The following SNX6 variants were observed in gnomAD, a reference collection of about 807,000 sequenced individuals.
SNX6 encodes sorting nexin 6.
Under a neutral mutation model 63.0 loss-of-function variants are expected in SNX6, and 34 were observed. That is an observed-to-expected ratio of 0.54 (90% confidence interval 0.41 to 0.72). SNX6 has a LOEUF of 0.72. Among genes scored for constraint, SNX6 ranks in the 30% least tolerant of loss-of-function variants. The pLI, the probability that SNX6 is intolerant of heterozygous loss-of-function variation, is 0.00. For missense variants in SNX6, 398 were observed against 471.4 expected, an observed-to-expected ratio of 0.84 and a Z score of 1.44; for synonymous variants, 170 against 164.2, an observed-to-expected ratio of 1.04 and a Z score of -0.27.
At chr14:34,567,649 T>C (rs1053640744) in intron 13 of SNX6, 37 bp downstream of exon 13, 9 of 1,478,414 alleles carry the variant, frequency 6.1e-6, no homozygotes, top group Non-Finnish European at 6.6e-6. Flanking sequence ...CTATATTACA[T>C]GTAACTTAAA....
chr14:34,613,882 G>A (rs988985763), intron 2 of SNX6, among the ~76,000 whole-genome samples: 10 of 152,052 alleles, frequency 6.6e-5, no homozygotes, highest in African/African-American at 2.4e-4. Context: ...CCCGAGGTGG[G>A]TGGATCACGA....
chr14:34,616,372 A>AT (rs1397882069), intron 2 of SNX6, among the ~76,000 whole-genome samples: 9 of 152,052 alleles, frequency 5.9e-5, no homozygotes, highest in South Asian at 2.1e-4. Context: ...TATATTGTAG[A>AT]TTTTTTAATT....
chr14:34,605,062 T>C (rs1882961643), intron 5 of SNX6, among the ~76,000 whole-genome samples: 2 of 152,184 alleles, frequency 1.3e-5, no homozygotes, highest in Admixed American at 1.3e-4. Flanking sequence ...AGAAATGTAT[T>C]AGTTTCTTGA....
intron 2 of SNX6, among the ~76,000 whole-genome samples, chr14:34,612,333 T>G (rs975033738): frequency 1.4e-4 from 22 of 152,170 alleles, no homozygotes; most frequent in African/African-American, 5.3e-4. Context: ...AAATGTTACC[T>G]TATATGTCAA....
chr14:34,585,353 C>T (rs184006331), intron 9 of SNX6, among the ~76,000 whole-genome samples: 187 of 152,008 alleles, frequency 1.2e-3, no homozygotes, highest in African/African-American at 4.3e-3. Context: ...AACCCCATCT[C>T]TACTAAAAAT....
At chr14:34,606,864 T>C (rs1437030430) in intron 4 of SNX6, among the ~76,000 whole-genome samples, 2 of 152,104 alleles carry the variant, frequency 1.3e-5, no homozygotes, top group Non-Finnish European at 2.9e-5. Context: ...CTGCAACCTC[T>C]GCCTCCCAGG....
intron 8 of SNX6, among the ~76,000 whole-genome samples, chr14:34,591,362 C>A (rs935519013): frequency 6.6e-6 from 1 of 152,140 alleles, no homozygotes; most frequent in African/African-American, 2.4e-5. Flanking sequence ...TAAGTGGTGA[C>A]ACAATTCAAT....
At chr14:34,601,031 GT>G (rs1566482311) in intron 6 of SNX6, among the ~76,000 whole-genome samples, 2 of 151,710 alleles carry the variant, frequency 1.3e-5, no homozygotes, top group African/African-American at 4.8e-5. Flanking sequence ...AAAAAAGAGA[GT>G]TTTTAGGCAG....
intron 2 of SNX6, among the ~76,000 whole-genome samples, chr14:34,614,448 A>C (rs1883347531): frequency 1.3e-5 from 2 of 151,676 alleles, no homozygotes; most frequent in South Asian, 2.1e-4. Flanking sequence ...AAAAAAAAAA[A>C]CCAAAAAACT....
Position 34,568,809 on chromosome 14 carries a change from G to A in SNX6, c.922-796C>T, listed in dbSNP as rs1318922613. On this transcript the variant is annotated intron_variant, in intron 11 of 13. Transcript: ENST00000362031. ...TTTCCACCATTTTTAGCCCCTCCAGGGCTTGGAGGACCCGGTGGGCCACAT... is the reference window on the plus strand; with the variant it reads ...TTTCCACCATTTTTAGCCCCTCCAGAGCTTGGAGGACCCGGTGGGCCACAT... 5 of 1,017,016 alleles carry A rather than the reference G, an allele frequency of 4.9e-6. No individual in the cohort carries two copies. In the African/African-American group the frequency reaches 6.4e-5, roughly 13 times the overall value. The allele number at this position is 1,017,016 out of a possible 1,614,324, so 63.0% of individuals were successfully genotyped here.
At chr14:34,568,886 C>T in intron 11 of SNX6, 1 of 1,178,804 alleles carries the variant, frequency 8.5e-7, no homozygotes, top group Non-Finnish European at 1.3e-6. Context: ...CTCTGACATC[C>T]CCCATAGATC....
Position 34,609,410 on chromosome 14 carries a change from G to A in SNX6, c.159+228C>T, listed in dbSNP as rs148814998. On this transcript the variant is annotated intron_variant, in intron 3 of 13. Transcript: ENST00000362031. ...GCAGGAGAATGGCGTGAACCCAGGA[G>A]GAGGAGCTTGCAGTGAGCCGAGATC... Among the ~76,000 whole-genome samples, 1,412 of 146,826 alleles carry A rather than the reference G, an allele frequency of 9.6e-3. 23 individuals carry two copies. Among genetic ancestry groups the A allele is most frequent in the African/African-American group, 0.033 (1,340 of 40,632 alleles).
intron 11 of SNX6, among the ~76,000 whole-genome samples, chr14:34,574,590 C>T (rs10129588): frequency 0.41 from 51,693 of 126,782 alleles, 9,792 homozygotes; most frequent in Middle Eastern, 0.52. Flanking sequence ...GAAGAGGTTA[C>T]AGTTGGGTGA....
At chr14:34,611,493 AG>A (rs1341236820) in intron 2 of SNX6, among the ~76,000 whole-genome samples, 1 of 150,590 alleles carries the variant, frequency 6.6e-6, no homozygotes, top group Non-Finnish European at 1.5e-5. Flanking sequence ...AAAAAAAAAA[AG>A]GGGGGGAGGC....
Position 34,567,868 on chromosome 14 carries a change from T to C in SNX6, c.1067A>G (p.Glu356Gly). 1 of 1,614,098 alleles carries C rather than the reference T, an allele frequency of 6.2e-7. No homozygotes were observed. The highest frequency in any genetic ancestry group is 8.5e-7 in the Non-Finnish European group (1 of 1,180,018). Residue 356 changes from glutamate to glycine, a missense_variant, in exon 12 of 14, where the codon GAG (glutamate) becomes GGG (glycine). Transcript: ENST00000362031. ...CGTAACAGTACCTTGTTTTGCAGAC[T>C]CAGATATTTTTTCAAATTTCTGACA... ...LCCQKFEKIS[E>G]SAKQELIDFK...
intron 2 of SNX6, among the ~76,000 whole-genome samples, chr14:34,616,664 T>C (rs1019398118): frequency 1.3e-5 from 2 of 152,184 alleles, no homozygotes; most frequent in African/African-American, 2.4e-5. Context: ...TAGTGTTCAT[T>C]ACATAAAATG....
intron 6 of SNX6, among the ~76,000 whole-genome samples, chr14:34,598,517 G>A (rs757665762): frequency 2.8e-4 from 43 of 152,094 alleles, no homozygotes; most frequent in Non-Finnish European, 5.0e-4. Context: ...TCAGCCTCCC[G>A]AGTAGCTGGG....
intron 6 of SNX6, among the ~76,000 whole-genome samples, chr14:34,601,164 C>T (rs550814652): frequency 4.6e-5 from 7 of 152,064 alleles, no homozygotes; most frequent in African/African-American, 7.2e-5. Flanking sequence ...CACAAGGCTT[C>T]GGAAGACTCC....
At chr14:34,592,511 T>A (rs1162813098) in intron 8 of SNX6, among the ~76,000 whole-genome samples, 2 of 152,190 alleles carry the variant, frequency 1.3e-5, no homozygotes, top group African/African-American at 2.4e-5. Context: ...GGTGTAAATG[T>A]CAACATGGTG....
Sources: allele counts gnomAD v4.1 joint callset (sites outside exome capture counted in the v4.1 genomes callset), GRCh38; gene constraint gnomAD v4.1.1; transcripts MANE v1.5; gene names NCBI Gene and HGNC (gene_info 2026-07-23, HGNC 2026-07-21).